The following CPXM2 variants were observed in gnomAD, a reference collection of about 807,000 sequenced individuals.
CPXM2 encodes the protein carboxypeptidase X, M14 family member 2.
In CPXM2, 66 loss-of-function variants were observed where a neutral mutation model predicts 86.1. The observed-to-expected ratio is 0.77, with a 90% CI of 0.63 to 0.94. The LOEUF (loss-of-function observed/expected upper bound fraction) is 0.94, where lower values mean the gene tolerates loss of function less well. CPXM2 is among the 40% of genes least tolerant of loss of function. CPXM2 has a pLI of 0.00. For missense variants in CPXM2, 948 were observed against 1,026.3 expected, an observed-to-expected ratio of 0.92 and a Z score of 1.04; for synonymous variants, 388 against 400.2, an observed-to-expected ratio of 0.97 and a Z score of 0.36.
intron 2 of CPXM2, among the ~76,000 whole-genome samples, chr10:123,921,069 TA>T (rs1218558037): frequency 3.3e-5 from 5 of 152,088 alleles, no homozygotes; most frequent in South Asian, 2.1e-4. Context: ...TTTATAACAT[TA>T]AAAAAAAGTT....
chr10:123,864,950 G>T (rs1848945011), intron 2 of CPXM2, among the ~76,000 whole-genome samples: 3 of 152,314 alleles, frequency 2.0e-5, no homozygotes, highest in Admixed American at 2.0e-4. Context: ...TGTTTCATGG[G>T]TGCACGTCTA....
At chr10:123,780,069 A>G in intron 7 of CPXM2, 98 bp downstream of exon 7, 1 of 759,454 alleles carries the variant, frequency 1.3e-6, no homozygotes, top group East Asian at 2.5e-5. Context: ...ATCCCTAATC[A>G]TCAATTTCTG....
intron 2 of CPXM2, among the ~76,000 whole-genome samples, chr10:123,874,412 A>T (rs1944946817): frequency 6.6e-6 from 1 of 151,670 alleles, no homozygotes; most frequent in African/African-American, 2.4e-5. Flanking sequence ...CCTACCCCCA[A>T]ATACCATCAC....
At chr10:123,795,945 G>C (rs1008806057) in intron 6 of CPXM2, among the ~76,000 whole-genome samples, 1 of 152,134 alleles carries the variant, frequency 6.6e-6, no homozygotes, top group South Asian at 2.1e-4. Flanking sequence ...GCAGAGAAAA[G>C]CTGCGGCCCT....
chr10:123,893,424 C>T (rs139970209), upstream of CPXM2, among the ~76,000 whole-genome samples: 168 of 152,316 alleles, frequency 1.1e-3, no homozygotes, highest in African/African-American at 3.9e-3. Flanking sequence ...TCCACCAGGC[C>T]ATCTTTTAGG....
chr10:123,850,797 T>C (rs1848582989), intron 3 of CPXM2, among the ~76,000 whole-genome samples: 1 of 152,226 alleles, frequency 6.6e-6, no homozygotes, highest in African/African-American at 2.4e-5. Flanking sequence ...TTTCTACCTG[T>C]GAAATTGTGG....
intron 2 of CPXM2, among the ~76,000 whole-genome samples, chr10:123,869,969 T>A (rs1322515290): frequency 2.0e-5 from 3 of 152,078 alleles, no homozygotes; most frequent in African/African-American, 7.2e-5. Context: ...ACCTTCAGTA[T>A]CCCAAATCTG....
intron 2 of CPXM2, 54 bp downstream of exon 2, chr10:123,880,157 C>A: frequency 4.7e-6 from 2 of 424,088 alleles, no homozygotes; most frequent in Non-Finnish European, 4.5e-6. Context: ...CCCACCCACC[C>A]TCCCTGAACA....
chr10:123,936,431 G>A (rs989130847), intron 2 of CPXM2, among the ~76,000 whole-genome samples: 1 of 152,174 alleles, frequency 6.6e-6, no homozygotes, highest in Non-Finnish European at 1.5e-5. Context: ...AGTTTCCTAC[G>A]GCATGGGTGG....
intron 4 of CPXM2, among the ~76,000 whole-genome samples, chr10:123,839,756 T>C (rs2134149553): frequency 6.6e-6 from 1 of 152,334 alleles, no homozygotes; most frequent in Admixed American, 6.5e-5. Flanking sequence ...AAGGCTCAGA[T>C]ACCAAGATGT....
intron 4 of CPXM2, among the ~76,000 whole-genome samples, chr10:123,841,493 T>A (rs1335673592): frequency 6.6e-6 from 1 of 152,220 alleles, no homozygotes; most frequent in East Asian, 1.9e-4. Flanking sequence ...CCTCTGTACC[T>A]CTTCAACATT....
intron 2 of CPXM2, among the ~76,000 whole-genome samples, chr10:123,879,165 A>G (rs188244733): frequency 6.6e-6 from 1 of 152,348 alleles, no homozygotes; most frequent in Admixed American, 6.5e-5. Flanking sequence ...AGTCATCTCT[A>G]TGATTTCTTT....
At chr10:123,788,293 A>G (rs1020019025) in intron 6 of CPXM2, among the ~76,000 whole-genome samples, 15 of 151,910 alleles carry the variant, frequency 9.9e-5, no homozygotes, top group African/African-American at 2.2e-4. Context: ...AAAAAAAAAA[A>G]AAAAGAAAAG....
intron 2 of CPXM2, among the ~76,000 whole-genome samples, chr10:123,899,193 A>C (rs1330479663): frequency 2.6e-5 from 4 of 152,256 alleles, no homozygotes; most frequent in Non-Finnish European, 5.9e-5. Flanking sequence ...TATAGACACT[A>C]AAAATCTTAA....
intron 3 of CPXM2, among the ~76,000 whole-genome samples, chr10:123,850,099 T>C (rs1229555023): frequency 1.3e-5 from 2 of 152,364 alleles, no homozygotes; most frequent in East Asian, 3.9e-4. Flanking sequence ...CCCAGACAAT[T>C]GCATGCAGTA....
At chr10:123,940,967 C>T (rs912223755), upstream of CPXM2, among the ~76,000 whole-genome samples, 8 of 152,164 alleles carry the variant, frequency 5.3e-5, no homozygotes, top group South Asian at 6.2e-4. Flanking sequence ...GTCAGGAGAT[C>T]GAGACCATCC....
At chr10:123,752,565 C>A in intron 13 of CPXM2, 1 of 985,414 alleles carries the variant, frequency 1.0e-6, no homozygotes, top group Non-Finnish European at 1.2e-6. Context: ...AGCCTCGCCT[C>A]ATCCTAATGT....
intron 3 of CPXM2, 88 bp from the exon 4 acceptor site, chr10:123,842,576 A>C: frequency 7.6e-7 from 1 of 1,317,492 alleles, no homozygotes. Flanking sequence ...AGAGGAAGGG[A>C]GGGAGGATAG....
chr10:123,809,587 T>G (rs932150297), intron 4 of CPXM2, among the ~76,000 whole-genome samples: 2 of 152,114 alleles, frequency 1.3e-5, no homozygotes, highest in Non-Finnish European at 2.9e-5. Context: ...TATATAGATA[T>G]AGATAACATA....
Sources: allele counts gnomAD v4.1 joint callset (sites outside exome capture counted in the v4.1 genomes callset), GRCh38; gene constraint gnomAD v4.1.1; transcripts MANE v1.5; gene names NCBI Gene and HGNC (gene_info 2026-07-23, HGNC 2026-07-21).